MACROD2: variants seen among roughly 807,000 people sequenced by gnomAD.
MACROD2 encodes the protein mono-ADP ribosylhydrolase 2.
Under a neutral mutation model 70.4 loss-of-function variants are expected in MACROD2, and 36 were observed. The ratio of observed to expected loss-of-function variants is 0.51; its 90% CI spans 0.39 to 0.68. The LOEUF (loss-of-function observed/expected upper bound fraction) is 0.68, where lower values mean the gene tolerates loss of function less well. MACROD2 is among the 30% of genes least tolerant of loss of function. MACROD2 has a pLI of 0.00. For synonymous variants in MACROD2, 172 were observed against 178.8 expected (o/e 0.96, Z 0.30); for missense variants, 496 against 538.4 (o/e 0.92, Z 0.78).
At chr20:14,361,329 T>C (rs562619766) in intron 3 of MACROD2, among the ~76,000 whole-genome samples, 1 of 152,334 alleles carries the variant, frequency 6.6e-6, no homozygotes, top group Admixed American at 6.5e-5. Context: ...GGGGTTAGTT[T>C]ACCACTGTGA....
intron 10 of MACROD2, among the ~76,000 whole-genome samples, chr20:15,904,235 T>C (rs913677274): frequency 1.8e-4 from 28 of 152,052 alleles, no homozygotes; most frequent in African/African-American, 6.3e-4. Flanking sequence ...CTGAGGCTGG[T>C]CTCGAACTTC....
chr20:15,878,406 C>T (rs2064705917), intron 9 of MACROD2, among the ~76,000 whole-genome samples: 1 of 152,094 alleles, frequency 6.6e-6, no homozygotes, highest in African/African-American at 2.4e-5. Context: ...GTCCTTTCCC[C>T]AGAGCTTTGG....
At chr20:14,589,580 T>C (rs1250711987) in intron 4 of MACROD2, among the ~76,000 whole-genome samples, 2 of 152,224 alleles carry the variant, frequency 1.3e-5, no homozygotes, top group East Asian at 1.9e-4. Context: ...CTAGCCATTC[T>C]GAGAGTTGCT....
At position 15,336,487 on chromosome 20, in the gene MACROD2, C is replaced by G. The variant is rs1600257623; in HGVS notation, c.541-94918C>G. ...AGTAATTTTGTGCTATCTCTTTGACCCATCTTTTGCCTGCACCCTCTCATC... is the reference window on the plus strand; with the variant it reads ...AGTAATTTTGTGCTATCTCTTTGACGCATCTTTTGCCTGCACCCTCTCATC... On this transcript the variant is annotated intron_variant, in intron 6 of 17. Transcript: ENST00000684519. Among the ~76,000 whole-genome samples, 4 of 151,672 alleles carry G rather than the reference C, an allele frequency of 2.6e-5. 1 individual carries two copies. The highest frequency in any genetic ancestry group is 2.6e-4 in the Admixed American group (4 of 15,266).
chr20:15,655,840 T>C (rs1568955867), intron 8 of MACROD2, among the ~76,000 whole-genome samples: 2 of 152,184 alleles, frequency 1.3e-5, no homozygotes, highest in African/African-American at 2.4e-5. Context: ...ATGGTGTATA[T>C]CTTATGTAAA....
chr20:15,461,008 T>TATATATATATATA (rs1568825308), intron 7 of MACROD2, among the ~76,000 whole-genome samples: 2 of 67,646 alleles, frequency 3.0e-5, no homozygotes, highest in Non-Finnish European at 7.6e-5. Context: ...ATATATATAT[T>TATATATATATATA]TTTTTTTAAT....
chr20:14,517,557 G>A (rs2085116004), intron 4 of MACROD2, among the ~76,000 whole-genome samples: 1 of 152,122 alleles, frequency 6.6e-6, no homozygotes, highest in Non-Finnish European at 1.5e-5. Flanking sequence ...GACTAGGGGA[G>A]GGATAGCATT....
intron 8 of MACROD2, among the ~76,000 whole-genome samples, chr20:15,663,180 G>T (rs1298390344): frequency 2.0e-5 from 3 of 151,604 alleles, no homozygotes; most frequent in African/African-American, 7.3e-5. Flanking sequence ...ATGGATGAAT[G>T]AGATCTCAGC....
chr20:14,272,882 C>G (rs868450095), intron 3 of MACROD2, among the ~76,000 whole-genome samples: 13 of 151,986 alleles, frequency 8.6e-5, no homozygotes, highest in African/African-American at 2.9e-4. Context: ...CAACAAAGAT[C>G]AAAAGAGACA....
chr20:15,311,455 C>G (rs918869587), intron 6 of MACROD2, among the ~76,000 whole-genome samples: 1 of 152,082 alleles, frequency 6.6e-6, no homozygotes, highest in Non-Finnish European at 1.5e-5. Flanking sequence ...AAGAAAACAA[C>G]TAGTTCTGCC....
rs112625686 is a variant in MACROD2, at chr20:16,030,256, G to C, written c.1154-10945G>C. Among the ~76,000 whole-genome samples, 1,381 of 152,290 alleles carry C rather than the reference G, an allele frequency of 9.1e-3. 25 individuals carry two copies. The highest frequency in any genetic ancestry group is 0.032 in the African/African-American group (1,325 of 41,564). On this transcript the variant is annotated intron_variant, in intron 15 of 17. Transcript: ENST00000684519. ...GACAAATTTGGGGGGAACCTGGGCTGGGCGTGGGATATGCTATATACTTGC... is the reference window on the plus strand; with the variant it reads ...GACAAATTTGGGGGGAACCTGGGCTCGGCGTGGGATATGCTATATACTTGC...
chr20:15,766,059 A>G (rs2051519780), intron 8 of MACROD2, among the ~76,000 whole-genome samples: 1 of 152,096 alleles, frequency 6.6e-6, no homozygotes, highest in Non-Finnish European at 1.5e-5. Context: ...TAATTGTCAT[A>G]TTTCTCTTAT....
intron 5 of MACROD2, among the ~76,000 whole-genome samples, chr20:15,227,052 A>C (rs988360098): frequency 1.3e-5 from 2 of 152,104 alleles, no homozygotes; most frequent in African/African-American, 4.8e-5. Flanking sequence ...AGCTTTGTGG[A>C]TCTGAGAGGT....
At chr20:14,343,646 C>G (rs2083037554) in intron 3 of MACROD2, among the ~76,000 whole-genome samples, 2 of 152,220 alleles carry the variant, frequency 1.3e-5, no homozygotes, top group Admixed American at 1.3e-4. Context: ...TGCCTTCTCT[C>G]CTGGATGCTA....
intron 6 of MACROD2, among the ~76,000 whole-genome samples, chr20:15,361,044 C>G (rs1266459794): frequency 1.3e-5 from 2 of 151,772 alleles, no homozygotes; most frequent in Non-Finnish European, 2.9e-5. Context: ...TTTCACAGAG[C>G]AAAAATTTTA....
chr20:14,015,376 G>A (rs748965937), intron 2 of MACROD2, among the ~76,000 whole-genome samples: 33 of 152,134 alleles, frequency 2.2e-4, no homozygotes, highest in Non-Finnish European at 4.6e-4. Context: ...GAGGCTAGAA[G>A]TTTGAGACCA....
intron 5 of MACROD2, among the ~76,000 whole-genome samples, chr20:14,971,165 T>C (rs1209975367): frequency 6.6e-6 from 1 of 152,182 alleles, no homozygotes; most frequent in East Asian, 1.9e-4. Context: ...ACTATACAAA[T>C]AGTTGTTGTA....
intron 17 of MACROD2, among the ~76,000 whole-genome samples, chr20:16,048,660 A>G (rs1385626810): frequency 1.3e-5 from 2 of 152,200 alleles, no homozygotes; most frequent in African/African-American, 4.8e-5. Context: ...TATAAAGTTA[A>G]CACCACCAAA....
At chr20:15,493,114 A>G (rs1568846579) in intron 7 of MACROD2, among the ~76,000 whole-genome samples, 1 of 152,184 alleles carries the variant, frequency 6.6e-6, no homozygotes, top group Non-Finnish European at 1.5e-5. Flanking sequence ...TGAAAATAAA[A>G]TGATTGAGTG....
Sources: allele counts gnomAD v4.1 joint callset (sites outside exome capture counted in the v4.1 genomes callset), GRCh38; gene constraint gnomAD v4.1.1; transcripts MANE v1.5; gene names NCBI Gene and HGNC (gene_info 2026-07-23, HGNC 2026-07-21).